DENND4B: variants seen among roughly 807,000 people sequenced by gnomAD.
DENND4B encodes DENN domain-containing protein 4B.
Under a neutral mutation model 161.0 loss-of-function variants are expected in DENND4B, and 67 were observed. That is an observed-to-expected ratio of 0.42 (90% CI 0.34 to 0.51). The LOEUF (loss-of-function observed/expected upper bound fraction) is 0.51, where lower values mean the gene tolerates loss of function less well. Among genes scored for constraint, DENND4B ranks in the 20% least tolerant of loss-of-function variants. The pLI, the probability that DENND4B is intolerant of heterozygous loss-of-function variation, is 0.08. For synonymous variants in DENND4B, 753 were observed against 813.8 expected (o/e 0.93, Z 1.27); for missense variants, 1,481 against 1,968.0 (o/e 0.75, Z 4.68).
Position 153,936,565 on chromosome 1 carries a change from C to T in DENND4B, c.2416G>A (p.Gly806Ser), listed in dbSNP as rs756335199. ...AYHVLRQMES[G>S]KVVLPDEVCY... ...ACCTCATCAGGGAGCACCACCTTGC[C>T]GCTCTCCATCTGGCGCAGCACATGG... is the stretch of plus-strand genomic sequence containing the variant. Residue 806 changes from glycine (G) to serine (S), a missense_variant, in exon 16 of 28, where the codon GGC becomes AGC. Gly to Ser is a moderately conservative substitution (Grantham distance 56). This residue lies in a region of DENND4B where 806 missense variants were observed against 1,134.4 expected (regional missense o/e 0.71). Transcript: ENST00000361217. This position sits in a 1 kb window ranked among gnomAD's most constrained non-coding sequence, Gnocchi z 4.1. 1.4e-5 allele frequency: 22 copies of T among 1,603,754 alleles called. No homozygotes were observed. The highest frequency in any genetic ancestry group is 4.4e-5 in the South Asian group (4 of 89,978).
At position 153,944,238 on chromosome 1, in the gene DENND4B, G is replaced by A; in HGVS notation, c.137C>T (p.Pro46Leu). Residue 46 changes from proline (P) to leucine (L), a missense_variant, in exon 2 of 28, where the codon CCC becomes CTC. By Grantham distance (98) the Pro-to-Leu change is moderately conservative. This residue lies in a region of DENND4B where 806 missense variants were observed against 1,134.4 expected (regional missense o/e 0.71). Transcript: ENST00000361217. The surrounding 1 kb of genome is among the most constrained non-coding windows in gnomAD (Gnocchi z 4.8). ...GPLRPPRPAE[P>L]ITDVAVIARA... ...AGCGATGACTGCCACATCTGTGATGGGCTCAGCTGGCCGGGGAGGGCGCAG... is the reference window on the plus strand; with the variant it reads ...AGCGATGACTGCCACATCTGTGATGAGCTCAGCTGGCCGGGGAGGGCGCAG... 1.2e-6 allele frequency: 2 copies of A among 1,602,898 alleles called. No individual in the cohort carries two copies. Among genetic ancestry groups the A allele is most frequent in the Non-Finnish European group, 1.7e-6 (2 of 1,174,124 alleles).
At position 153,940,202 on chromosome 1, in the gene DENND4B, C is replaced by T; in HGVS notation, c.1557G>A (p.Lys519=). Reference sequence around the variant, plus strand: ...GGTTTGTCAGTGTGGCCAGCAGAACCTTGTAGGGTCTGCGGGGCAGGGTCC... The same window carrying T: ...GGTTTGTCAGTGTGGCCAGCAGAACTTTGTAGGGTCTGCGGGGCAGGGTCC... ...SPRTLPRRPY[K]VLLATLTNLY... The change falls in exon 11 of 28, where the codon AAG becomes AAA. Residue 519 remains lysine (K), a synonymous_variant. Coordinates refer to ENST00000361217, the MANE Select transcript of DENND4B (RefSeq NM_014856.3). The surrounding 1 kb of genome is among the most constrained non-coding windows in gnomAD (Gnocchi z 5.6). 1 of 1,601,870 alleles carries T rather than the reference C, an allele frequency of 6.2e-7. No individual in the cohort carries two copies. Among genetic ancestry groups the T allele is most frequent in the Non-Finnish European group, 8.5e-7 (1 of 1,174,970 alleles).
At position 153,933,492 on chromosome 1, in the gene DENND4B, A is replaced by C. The variant is rs1679101539; in HGVS notation, c.3321T>G (p.Thr1107=). 1.9e-6 allele frequency: 3 copies of C among 1,559,508 alleles called. No individual in the cohort carries two copies. In the Admixed American group the frequency reaches 5.5e-5, roughly 28 times the overall value. ...CTCCTTCACTGGCTACCTCGGAGGC[A>C]GTGGATCCAGGGCGCTCCCGGGGGT... ...LLHPRERPGS[T]ASESSASLGS... Residue 1107 remains threonine, a synonymous_variant, in exon 20 of 28, where the codon ACT becomes ACG. Coordinates refer to ENST00000361217, the MANE Select transcript of DENND4B (RefSeq NM_014856.3). The surrounding 1 kb of genome is among the most constrained non-coding windows in gnomAD (Gnocchi z 5.7).
In DENND4B at chr1:153,940,840, G is replaced by A. The variant is rs1052578688; in HGVS notation, c.1326+64C>T. ...GAAGGAAAAGGGAAGAGTCCAGGCA[G>A]GGATAGGGGCACCAGAAAGAACCAT... On this transcript the variant is annotated intron_variant, in intron 9 of 27. Transcript: ENST00000361217. This position sits in a 1 kb window ranked among gnomAD's most constrained non-coding sequence, Gnocchi z 5.6. The A allele has an allele frequency of 3.9e-6, 6 of 1,521,248 alleles. No individual in the cohort carries two copies. Among genetic ancestry groups the A allele is most frequent in the Admixed American group, 2.3e-5 (1 of 43,924 alleles). 94.2% of individuals were successfully genotyped at this position (1,521,248 alleles called of 1,614,324 possible). A position where few individuals can be genotyped will look rare whatever the true frequency, so the allele number is the denominator to read the frequency against.
chr1:153,936,060 C>T lies in DENND4B; in HGVS notation c.2568G>A (p.Lys856=). 1 of 1,612,938 alleles carries T rather than the reference C, an allele frequency of 6.2e-7. No homozygotes were observed. Among genetic ancestry groups the T allele is most frequent in the Non-Finnish European group, 8.5e-7 (1 of 1,179,464 alleles). ...PNTITYGYYN[K]AVLESKWPSG... ...CCACCCCTCACCCCAAAGTAGGTAC[C>T]TTATTGTAGTAGCCATAGGTGATGG... Residue 856 remains lysine, a splice_region_variant and synonymous_variant, in exon 17 of 28, where the codon AAG becomes AAA. Transcript: ENST00000361217. This position sits in a 1 kb window ranked among gnomAD's most constrained non-coding sequence, Gnocchi z 4.1.
chr1:153,939,909 AC>A, intron 11 of DENND4B, 105 bp from the exon 12 acceptor site: 2 of 1,106,630 alleles, frequency 1.8e-6, no homozygotes, highest in Non-Finnish European at 2.6e-6. Context: ...CAGACCTTGC[AC>A]CAGTAGCAAC....
chr1:153,931,715 C>T (rs1333973108), intron 24 of DENND4B, among the ~76,000 whole-genome samples: 1 of 151,760 alleles, frequency 6.6e-6, no homozygotes, highest in Admixed American at 6.6e-5. Flanking sequence ...CCACGATGGT[C>T]TCGATCTCCT....
At position 153,930,008 on chromosome 1, in the gene DENND4B, C is replaced by A; in HGVS notation, c.*289G>T. ...CCAGGGCAATGCAGATCTGTGGGTA[C>A]CCTGGAGGGGAGTTCCCGGTATAGG... is the stretch of plus-strand genomic sequence containing the variant. On this transcript the variant is annotated 3_prime_UTR_variant, in exon 28 of 28. Coordinates refer to ENST00000361217, the MANE Select transcript of DENND4B (RefSeq NM_014856.3). The surrounding 1 kb of genome is among the most constrained non-coding windows in gnomAD (Gnocchi z 4.7). The A allele has an allele frequency of 2.4e-6, 1 of 418,296 alleles. No homozygotes were observed. The highest frequency in any genetic ancestry group is 3.6e-5 in the South Asian group (1 of 28,078). The allele number at this position is 418,296 out of a possible 1,614,324, so 25.9% of individuals were successfully genotyped here.
Position 153,936,200 on chromosome 1 carries a change from G to T in DENND4B, c.2440-12C>A. On this transcript the variant is annotated splice_polypyrimidine_tract_variant and intron_variant, in intron 16 of 27. Transcript: ENST00000361217. This position sits in a 1 kb window ranked among gnomAD's most constrained non-coding sequence, Gnocchi z 4.1. The stretch of plus-strand genomic sequence containing the variant: ...ACCCGGTAACACACCTGGGCCAGGA[G>T]AGGCACAGGACAATGGGAGACTCAC... 1 of 1,599,038 alleles carries T rather than the reference G, an allele frequency of 6.3e-7. No homozygotes were observed. Among genetic ancestry groups the T allele is most frequent in the East Asian group, 2.3e-5 (1 of 44,078 alleles).
rs1020251565 is a variant in DENND4B at position 153,944,921 on chromosome 1, C to T, written c.-23-524G>A. Among the ~76,000 whole-genome samples the T allele has an allele frequency of 6.6e-6, 1 of 152,186 alleles. No homozygotes were observed. Among genetic ancestry groups the T allele is most frequent in the Non-Finnish European group, 1.5e-5 (1 of 68,050 alleles). On this transcript the variant is annotated intron_variant, in intron 1 of 27. Coordinates refer to ENST00000361217, the MANE Select transcript of DENND4B (RefSeq NM_014856.3). This position sits in a 1 kb window ranked among gnomAD's most constrained non-coding sequence, Gnocchi z 4.8. Reference sequence around the variant, plus strand: ...TGGGTTTCTGAGAAAGCCCACAAAACCCAAGCTTTAAGAGTCTTTTCAACG... The same window carrying T: ...TGGGTTTCTGAGAAAGCCCACAAAATCCAAGCTTTAAGAGTCTTTTCAACG...
Position 153,932,712 on chromosome 1 carries a change from C to A in DENND4B, c.3689G>T (p.Gly1230Val). ...GAGCCTTCGGTCACTGAGCACAGGG[C>A]CAGGACCACCAGGGACAGGAGCATC... ...SKDAPVPGGP[G>V]PVLSDRRLCL... Residue 1230 changes from glycine to valine, a missense_variant, in exon 23 of 28, where the codon GGC (glycine) becomes GTC (valine). Transcript: ENST00000361217. This position sits in a 1 kb window ranked among gnomAD's most constrained non-coding sequence, Gnocchi z 5.8. 6.2e-7 allele frequency: 1 copy of A among 1,614,030 alleles called. No individual in the cohort carries two copies. Among genetic ancestry groups the A allele is most frequent in the South Asian group, 1.1e-5 (1 of 91,088 alleles).
chr1:153,942,776 C>G lies in DENND4B; in HGVS notation c.570+102G>C, dbSNP rs1329539251. ...GACCAGAGTTACCCCTCTGGACTCA[C>G]CCCTGTGGTCAGAGCCTTGGTCCTG... On this transcript the variant is annotated intron_variant, in intron 3 of 27. Transcript: ENST00000361217. The surrounding 1 kb of genome is among the most constrained non-coding windows in gnomAD (Gnocchi z 6.9). The G allele has an allele frequency of 2.0e-6, 3 of 1,492,586 alleles. No individual in the cohort carries two copies. Among genetic ancestry groups the G allele is most frequent in the Non-Finnish European group, 2.7e-6 (3 of 1,118,536 alleles). The allele number at this position is 1,492,586 out of a possible 1,614,324, so 92.5% of individuals were successfully genotyped here.
rs1679701251 is a variant in DENND4B at position 153,942,013 on chromosome 1, C to A, written c.911G>T (p.Gly304Val). Reference sequence around the variant, plus strand: ...CACAGCTCTGCCCCCCAGTGCCCGACCCCGCTCCACGGCGCTCAGCAGGCC... The same window carrying A: ...CACAGCTCTGCCCCCCAGTGCCCGAACCCGCTCCACGGCGCTCAGCAGGCC... ...ALGLLSAVER[G>V]RALGGRAVRS... Residue 304 changes from glycine to valine, a missense_variant, in exon 6 of 28, where the codon GGT becomes GTT. This residue lies in a region of DENND4B where 806 missense variants were observed against 1,134.4 expected (regional missense o/e 0.71). Coordinates refer to ENST00000361217, the MANE Select transcript of DENND4B (RefSeq NM_014856.3). The surrounding 1 kb of genome is among the most constrained non-coding windows in gnomAD (Gnocchi z 6.9). 1.2e-6 allele frequency: 2 copies of A among 1,611,792 alleles called. No individual in the cohort carries two copies. Among genetic ancestry groups the A allele is most frequent in the Non-Finnish European group, 1.7e-6 (2 of 1,179,174 alleles).
At position 153,933,188 on chromosome 1, in the gene DENND4B, T is replaced by C. The variant is rs776557290; in HGVS notation, c.3453+9A>G. 13 of 1,612,766 alleles carry C rather than the reference T, an allele frequency of 8.1e-6. No individual in the cohort carries two copies. The Admixed American group carries it at 1.8e-4, about 23-fold the overall frequency. ...TCAAGCACATCTGTGTGGGAGGGGT[T>C]ATCCTCACTTCCAGGGAAGGTGACT... On this transcript the variant is annotated intron_variant, in intron 21 of 27. Transcript: ENST00000361217. This position sits in a 1 kb window ranked among gnomAD's most constrained non-coding sequence, Gnocchi z 5.7.
chr1:153,931,655 G>A (rs1398799783), intron 24 of DENND4B, among the ~76,000 whole-genome samples: 3 of 151,606 alleles, frequency 2.0e-5, no homozygotes, highest in Non-Finnish European at 4.4e-5. Flanking sequence ...CCGCCACCAT[G>A]CCCGGCAAAT....
intron 1 of DENND4B, among the ~76,000 whole-genome samples, chr1:153,945,497 CAG>C (rs1679907214): frequency 6.6e-6 from 1 of 151,986 alleles, no homozygotes; most frequent in East Asian, 1.9e-4. Context: ...CCCCAGAGAA[CAG>C]GGAATAAGGA....
At position 153,930,078 on chromosome 1, in the gene DENND4B, C is replaced by G. The variant is rs1213756069; in HGVS notation, c.*219G>C. On this transcript the variant is annotated 3_prime_UTR_variant, in exon 28 of 28. Coordinates refer to ENST00000361217, the MANE Select transcript of DENND4B (RefSeq NM_014856.3). The surrounding 1 kb of genome is among the most constrained non-coding windows in gnomAD (Gnocchi z 4.7). ...GTACCAACTCCCCCCAGATCTCCCC[C>G]AACATCAGCACGAACAAACTGGGTA... The G allele has an allele frequency of 3.1e-6, 2 of 635,300 alleles. No homozygotes were observed. The highest frequency in any genetic ancestry group is 5.3e-6 in the Non-Finnish European group (2 of 375,278). 39.4% of individuals were successfully genotyped at this position (635,300 alleles called of 1,614,324 possible). A position where few individuals can be genotyped will look rare whatever the true frequency, so the allele number is the denominator to read the frequency against.
intron 1 of DENND4B, chr1:153,945,135 C>G: frequency 7.8e-7 from 1 of 1,289,606 alleles, no homozygotes; most frequent in Non-Finnish European, 1.0e-6. Flanking sequence ...TAGTTCTCAC[C>G]TGCCTCCATG....
rs1122186 is a variant in DENND4B at position 153,932,990 on chromosome 1, G to A, written c.3494C>T (p.Ser1165Leu). ...SSCSLCRACD[S>L]LVYDEEIMAG... ...CATGATTTCCTCATCATACACCAGC[G>A]AATCACAGGCACGGCACAGGGAGCA... The change falls in exon 22 of 28, where the codon TCG (serine) becomes TTG (leucine). Residue 1165 changes from serine to leucine, a missense_variant. Ser to Leu is a moderately radical substitution (Grantham distance 145). This residue lies in a region of DENND4B where 336 missense variants were observed against 503.3 expected (regional missense o/e 0.67). Transcript: ENST00000361217. This position sits in a 1 kb window ranked among gnomAD's most constrained non-coding sequence, Gnocchi z 5.8. 5 of 1,613,864 alleles carry A rather than the reference G, an allele frequency of 3.1e-6. No homozygotes were observed. The highest frequency in any genetic ancestry group is 4.2e-6 in the Non-Finnish European group (5 of 1,179,886).
Sources: gnomAD v4.1 joint callset for allele counts (sites outside exome capture counted in the v4.1 genomes callset) on GRCh38, gnomAD v4.1.1 for gene constraint, gnomAD v4.1.1 regional missense constraint, Gnocchi (gnomAD v3.1) non-coding constraint, MANE v1.5 for transcripts, NCBI Gene and HGNC (gene_info 2026-07-23, HGNC 2026-07-21) for gene names.